The following CSMD1 variants were observed in gnomAD, a reference collection of about 807,000 sequenced individuals.
CSMD1 encodes the protein CUB and Sushi multiple domains 1.
CSMD1 carries 213 observed loss-of-function variants against 417.5 expected under a neutral mutation model. That is an observed-to-expected ratio of 0.51 (90% CI 0.46 to 0.57). The LOEUF is 0.57. CSMD1 is among the 20% of genes least tolerant of loss of function. CSMD1 has a pLI of 0.00. For missense variants in CSMD1, 6,923 were observed against 4,529.7 expected (o/e 1.53, Z -15.17); for synonymous variants, 2,862 against 1,736.8 (o/e 1.65, Z -16.11).
chr8:4,163,195 C>A (rs1046714548), intron 3 of CSMD1, among the ~76,000 whole-genome samples: 1 of 152,186 alleles, frequency 6.6e-6, no homozygotes, highest in South Asian at 2.1e-4. Flanking sequence ...CTAAAAACAT[C>A]CCTTGGCAGG....
At chr8:4,680,968 G>GTA (rs1163816202) in intron 1 of CSMD1, among the ~76,000 whole-genome samples, 1 of 122,950 alleles carries the variant, frequency 8.1e-6, no homozygotes, top group Admixed American at 9.3e-5. Context: ...GTGTGTGTGT[G>GTA]TGTGTGTGAG....
chr8:4,359,981 G>C (rs1419259928), intron 3 of CSMD1, among the ~76,000 whole-genome samples: 2 of 152,178 alleles, frequency 1.3e-5, no homozygotes, highest in African/African-American at 4.8e-5. Context: ...TGCTCAATTA[G>C]CCAAATGCCA....
intron 3 of CSMD1, among the ~76,000 whole-genome samples, chr8:4,078,672 T>G (rs1257341072): frequency 6.6e-6 from 1 of 151,364 alleles, no homozygotes; most frequent in African/African-American, 2.4e-5. Context: ...GAGAAAAAAC[T>G]TGCTGTATTC....
intron 20 of CSMD1, among the ~76,000 whole-genome samples, chr8:3,363,407 T>C (rs1047701288): frequency 3.9e-5 from 6 of 152,188 alleles, no homozygotes; most frequent in Non-Finnish European, 7.3e-5. Flanking sequence ...CTGTATTATA[T>C]AGAAGAAAAC....
chr8:4,165,635 A>G (rs1014473439), intron 3 of CSMD1, among the ~76,000 whole-genome samples: 17 of 152,106 alleles, frequency 1.1e-4, no homozygotes, highest in Admixed American at 7.9e-4. Context: ...ACTCCTTGAC[A>G]CAAGGGATCA....
chr8:4,858,047 A>G (rs1012147368), intron 1 of CSMD1, among the ~76,000 whole-genome samples: 2 of 152,168 alleles, frequency 1.3e-5, no homozygotes, highest in Admixed American at 6.5e-5. Flanking sequence ...GCAGCAGCAC[A>G]TCAAAAAGCT....
In CSMD1 at chr8:4,715,999, G is replaced by C. The variant is rs78385637; in HGVS notation, c.86-78441C>G. 7.7e-3 allele frequency among the ~76,000 whole-genome samples: 1,171 copies of C among 152,222 alleles called. 8 individuals are homozygous for C. The highest frequency in any genetic ancestry group is 0.026 in the African/African-American group (1,081 of 41,520). ...GATGACTGCTTAAATCTTACCAGTG[G>C]TCCAAAGAGCACAGGGGCCAGGGCA... is the stretch of plus-strand genomic sequence containing the variant. On this transcript the variant is annotated intron_variant, in intron 1 of 69. Transcript: ENST00000635120.
At chr8:3,102,022 G>A (rs1171351273) in intron 46 of CSMD1, among the ~76,000 whole-genome samples, 6 of 151,926 alleles carry the variant, frequency 3.9e-5, no homozygotes, top group South Asian at 2.1e-4. Flanking sequence ...GGCTGGTGTC[G>A]AACTCCTGAC....
At chr8:4,784,022 A>T (rs117637120) in intron 1 of CSMD1, among the ~76,000 whole-genome samples, 2,045 of 152,288 alleles carry the variant, frequency 0.013, 13 homozygotes, top group Non-Finnish European at 0.02. Flanking sequence ...AATTATGGAT[A>T]AAAAAAGTGT....
At chr8:4,569,433 T>C (rs1229144806) in intron 2 of CSMD1, among the ~76,000 whole-genome samples, 1 of 152,206 alleles carries the variant, frequency 6.6e-6, no homozygotes, top group African/African-American at 2.4e-5. Context: ...TTGTCAGGTT[T>C]GTCAAACATC....
chr8:3,541,538 T>C (rs906321421), intron 10 of CSMD1, among the ~76,000 whole-genome samples: 13 of 149,712 alleles, frequency 8.7e-5, no homozygotes, highest in Admixed American at 6.0e-4. Flanking sequence ...AAAATAAAAA[T>C]TAAAAAAATA....
intron 41 of CSMD1, chr8:3,128,498 T>G (rs78663984): frequency 4.6e-6 from 1 of 219,102 alleles, no homozygotes; most frequent in South Asian, 6.4e-5. Context: ...ATTCTCTGTA[T>G]GATTTATGCA....
intron 2 of CSMD1, among the ~76,000 whole-genome samples, chr8:4,426,456 A>G (rs1797560518): frequency 6.7e-6 from 1 of 148,388 alleles, no homozygotes; most frequent in Non-Finnish European, 1.5e-5. Flanking sequence ...TATATAGTAA[A>G]CATACAGACT....
intron 23 of CSMD1, among the ~76,000 whole-genome samples, chr8:3,328,011 T>G (rs1420300613): frequency 3.3e-5 from 5 of 152,094 alleles, no homozygotes; most frequent in Admixed American, 1.3e-4. Flanking sequence ...TGCCAGCCAA[T>G]TCGGGTTCCA....
At chr8:4,044,757 G>T (rs891629296) in intron 3 of CSMD1, among the ~76,000 whole-genome samples, 14 of 150,048 alleles carry the variant, frequency 9.3e-5, no homozygotes, top group African/African-American at 3.6e-4. Flanking sequence ...TACCACCCTG[G>T]CCACATAGCA....
intron 1 of CSMD1, among the ~76,000 whole-genome samples, chr8:4,846,320 T>A (rs1316435037): frequency 6.6e-6 from 1 of 152,220 alleles, no homozygotes; most frequent in African/African-American, 2.4e-5. Context: ...TCTAACAGCC[T>A]GTAAGGAGAT....
intron 3 of CSMD1, among the ~76,000 whole-genome samples, chr8:4,075,641 T>C (rs952669136): frequency 2.0e-5 from 3 of 152,178 alleles, no homozygotes; most frequent in Non-Finnish European, 4.4e-5. Flanking sequence ...TCACACTGTG[T>C]TGGGGAAATT....
rs572765801 is a variant in CSMD1 at position 3,860,082 on chromosome 8, T to C, written c.819-106040A>G. ...TTGCAGTATGGTTAGTTGTGGATAA[T>C]AGGTCACACTTTAAAAAGTTTGCCT... On this transcript the variant is annotated intron_variant, in intron 5 of 69. Transcript: ENST00000635120. Among the ~76,000 whole-genome samples the C allele has an allele frequency of 2.6e-5, 4 of 152,140 alleles. No individual in the cohort carries two copies. The South Asian group carries it at 8.3e-4, about 32-fold the overall frequency.
At chr8:3,691,377 A>G (rs1054811078) in intron 7 of CSMD1, among the ~76,000 whole-genome samples, 1 of 151,732 alleles carries the variant, frequency 6.6e-6, no homozygotes, top group African/African-American at 2.4e-5. Context: ...AAAAAAAAAA[A>G]CAAAACAAAA....
Sources: allele counts gnomAD v4.1 joint callset (sites outside exome capture counted in the v4.1 genomes callset), GRCh38; gene constraint gnomAD v4.1.1; transcripts MANE v1.5; gene names NCBI Gene and HGNC (gene_info 2026-07-23, HGNC 2026-07-21).